Variants in PPP2R3A observed in about 807,000 individuals in gnomAD.
PPP2R3A encodes the protein serine/threonine-protein phosphatase 2A regulatory subunit B'' subunit alpha.
PPP2R3A carries 80 observed loss-of-function variants against 106.9 expected under a neutral mutation model. The ratio of observed to expected loss-of-function variants is 0.75; its 90% CI spans 0.62 to 0.90. PPP2R3A has a LOEUF of 0.90. PPP2R3A is among the 40% of genes least tolerant of loss of function. The probability of loss-of-function intolerance (pLI) is 0.00; values close to 1 mark genes in which losing one functional copy is unlikely to be tolerated. For synonymous variants in PPP2R3A, 483 were observed against 468.3 expected, an observed-to-expected ratio of 1.03 and a Z score of -0.41; for missense variants, 1,386 against 1,350.4, an observed-to-expected ratio of 1.03 and a Z score of -0.41.
Position 136,003,212 on chromosome 3 carries a change from C to A in PPP2R3A, c.1714C>A (p.Leu572Ile). 6.2e-7 allele frequency: 1 copy of A among 1,613,926 alleles called. No individual in the cohort carries two copies. The highest frequency in any genetic ancestry group is 1.1e-5 in the South Asian group (1 of 91,068). Residue 572 changes from leucine to isoleucine, a missense_variant, in exon 2 of 14, where the codon CTA becomes ATA. Transcript: ENST00000264977. The stretch of plus-strand genomic sequence containing the variant: ...CATAGAAAAAGTCTCACCTTCCTGT[C>A]TAACAAGGATTATTGAAACCAATGG... ...SPIEKVSPSC[L>I]TRIIETNGHK...
intron 1 of PPP2R3A, among the ~76,000 whole-genome samples, chr3:135,995,624 C>T (rs896897584): frequency 1.3e-5 from 2 of 151,848 alleles, no homozygotes; most frequent in African/African-American, 4.8e-5. Context: ...GGGCACACAC[C>T]ACCATGCCCA....
intron 8 of PPP2R3A, 150 bp downstream of exon 8, chr3:136,082,571 G>T: frequency 1.2e-6 from 1 of 805,192 alleles, no homozygotes; most frequent in Non-Finnish European, 1.9e-6. Flanking sequence ...GATGAGTGAA[G>T]ATAATATAAT....
chr3:136,027,126 T>C lies in PPP2R3A; in HGVS notation c.2262+28T>C, dbSNP rs16843647. ...AATGTAACTACTAAATGATTTACAA[T>C]CTCCCCTTCTTTAGAAACCCTGATC... On this transcript the variant is annotated intron_variant, in intron 3 of 13. Transcript: ENST00000264977. 7,548 of 1,578,998 alleles carry C rather than the reference T, an allele frequency of 4.8e-3. 262 individuals carry two copies. In the African/African-American group the frequency reaches 0.079, roughly 17 times the overall value.
intron 7 of PPP2R3A, among the ~76,000 whole-genome samples, chr3:136,080,052 G>T (rs1235675313): frequency 6.6e-6 from 1 of 152,060 alleles, no homozygotes; most frequent in Non-Finnish European, 1.5e-5. Context: ...ATCATCTGTG[G>T]TTTTATTCTC....
At position 136,147,605 on chromosome 3, in the gene PPP2R3A, A is replaced by ATT. The variant is rs1002172358; in HGVS notation, c.*2440_*2441dup. ...ACTGCCAAACTGGAATTTTCAAGTT[A>ATT]TTATAATATCCCAGGCCCCTTGATA... On this transcript the variant is annotated 3_prime_UTR_variant, in exon 14 of 14. Coordinates refer to ENST00000264977, the MANE Select transcript of PPP2R3A (RefSeq NM_002718.5). 1 of 152,546 alleles carries ATT rather than the reference A, an allele frequency of 6.6e-6. No individual in the cohort carries two copies. Among genetic ancestry groups the ATT allele is most frequent in the Non-Finnish European group, 1.5e-5 (1 of 67,942 alleles). The allele number at this position is 152,546 out of a possible 1,614,324, so 9.4% of individuals were successfully genotyped here. A position where few individuals can be genotyped will look rare whatever the true frequency, so the allele number is the denominator to read the frequency against.
chr3:135,970,474 T>A (rs1008451122), intron 1 of PPP2R3A, among the ~76,000 whole-genome samples: 1 of 152,202 alleles, frequency 6.6e-6, no homozygotes, highest in Non-Finnish European at 1.5e-5. Flanking sequence ...AATCTAATTC[T>A]AGTTTAAGAT....
At chr3:135,979,225 G>A (rs910347012) in intron 1 of PPP2R3A, among the ~76,000 whole-genome samples, 4 of 151,412 alleles carry the variant, frequency 2.6e-5, no homozygotes, top group African/African-American at 2.4e-5. Flanking sequence ...CTAAAAATAC[G>A]AAAATTAGCC....
At chr3:136,023,780 T>TC (rs1245267856) in intron 2 of PPP2R3A, among the ~76,000 whole-genome samples, 1 of 152,104 alleles carries the variant, frequency 6.6e-6, no homozygotes, top group East Asian at 1.9e-4. Context: ...AAAAATGTCT[T>TC]CCCTAAGCAA....
intron 13 of PPP2R3A, among the ~76,000 whole-genome samples, chr3:136,140,045 C>T (rs893145685): frequency 2.0e-5 from 3 of 151,044 alleles, no homozygotes; most frequent in African/African-American, 7.3e-5. Flanking sequence ...CAATTTGATA[C>T]CTATGATTTC....
At chr3:136,142,370 G>A (rs1225991199) in intron 13 of PPP2R3A, among the ~76,000 whole-genome samples, 2 of 152,090 alleles carry the variant, frequency 1.3e-5, no homozygotes, top group Non-Finnish European at 2.9e-5. Context: ...GTCCCCTGGC[G>A]GCGGGGGACA....
chr3:136,065,301 G>A (rs1936229950), intron 5 of PPP2R3A, among the ~76,000 whole-genome samples: 1 of 152,018 alleles, frequency 6.6e-6, no homozygotes, highest in Non-Finnish European at 1.5e-5. Context: ...TTAAATATAT[G>A]TTTAGTTATA....
chr3:136,050,657 T>C (rs945183882), intron 5 of PPP2R3A, among the ~76,000 whole-genome samples: 3 of 152,204 alleles, frequency 2.0e-5, no homozygotes, highest in Admixed American at 2.0e-4. Context: ...CCCTAGGGTG[T>C]TGCCAGGCAG....
rs1188903424 is a variant in PPP2R3A at position 136,002,123 on chromosome 3, G to A, written c.625G>A (p.Asp209Asn). ...GTTTCTTCAAAACTTTTCTGAAGAA[G>A]ACTTGGTTACTCAGATTTTGGAAAA... ...SMFLQNFSEE[D>N]LVTQILEKHK... Residue 209 changes from aspartate (D) to asparagine (N), a missense_variant, in exon 2 of 14, where the codon GAC becomes AAC. By Grantham distance (23) the Asp-to-Asn change is conservative. Transcript: ENST00000264977. The A allele has an allele frequency of 2.5e-6, 4 of 1,614,080 alleles. No homozygotes were observed. Among genetic ancestry groups the A allele is most frequent in the Non-Finnish European group, 1.7e-6 (2 of 1,180,020 alleles).
intron 3 of PPP2R3A, among the ~76,000 whole-genome samples, chr3:136,031,359 A>G (rs994860014): frequency 6.6e-6 from 1 of 151,574 alleles, no homozygotes; most frequent in African/African-American, 2.4e-5. Context: ...TGATGGGATT[A>G]TTTTTTTCTT....
intron 10 of PPP2R3A, among the ~76,000 whole-genome samples, chr3:136,099,817 A>G (rs1442708256): frequency 6.6e-6 from 1 of 152,020 alleles, no homozygotes; most frequent in Non-Finnish European, 1.5e-5. Context: ...CACTGAGAAA[A>G]CATCTCAAAT....
At chr3:136,027,815 G>A (rs1934723085) in intron 3 of PPP2R3A, among the ~76,000 whole-genome samples, 1 of 152,200 alleles carries the variant, frequency 6.6e-6, no homozygotes, top group South Asian at 2.1e-4. Flanking sequence ...GGCTTTAGCA[G>A]TAGTTTAGGC....
chr3:136,083,243 T>C (rs1405312732), intron 8 of PPP2R3A, among the ~76,000 whole-genome samples: 1 of 152,150 alleles, frequency 6.6e-6, no homozygotes, highest in Admixed American at 6.5e-5. Flanking sequence ...CCAAATCTCA[T>C]CTTGAATTGT....
chr3:136,010,461 C>G (rs1446089136), intron 2 of PPP2R3A, among the ~76,000 whole-genome samples: 8 of 121,970 alleles, frequency 6.6e-5, no homozygotes, highest in African/African-American at 2.2e-4. Context: ...GAGTCTCGCT[C>G]TGTCGCCCAG....
At chr3:136,111,642 G>C (rs1442493784) in intron 13 of PPP2R3A, among the ~76,000 whole-genome samples, 1 of 151,396 alleles carries the variant, frequency 6.6e-6, no homozygotes, top group African/African-American at 2.4e-5. Flanking sequence ...TTCTGAACTT[G>C]ATCAGTAATT....
Sources: gnomAD v4.1 joint callset for allele counts (sites outside exome capture counted in the v4.1 genomes callset) on GRCh38, gnomAD v4.1.1 for gene constraint, MANE v1.5 for transcripts, NCBI Gene and HGNC (gene_info 2026-07-23, HGNC 2026-07-21) for gene names.